The following ZNF227 variants were observed in gnomAD, a reference collection of about 807,000 sequenced individuals.
ZNF227 encodes the protein zinc finger protein 227.
Under a neutral mutation model 13.2 loss-of-function variants are expected in ZNF227, and 12 were observed. The ratio of observed to expected loss-of-function variants is 0.91; its 90% confidence interval spans 0.58 to 1.47. ZNF227 has a LOEUF of 1.47. Ranked by LOEUF, ZNF227 falls within the 40% of genes most tolerant of loss-of-function variation. The pLI is 0.00. For missense variants in ZNF227, 885 were observed against 967.5 expected, an observed-to-expected ratio of 0.91 and a Z score of 1.13; for synonymous variants, 338 against 326.0, an observed-to-expected ratio of 1.04 and a Z score of -0.40.
At chr19:44,226,789 G>A (rs971853680) in intron 3 of ZNF227, among the ~76,000 whole-genome samples, 8 of 151,998 alleles carry the variant, frequency 5.3e-5, no homozygotes, top group African/African-American at 1.9e-4. Flanking sequence ...ACTGCCCTGC[G>A]CCCACTGTCT....
intron 3 of ZNF227, among the ~76,000 whole-genome samples, chr19:44,219,827 T>C (rs1245689713): frequency 2.6e-5 from 4 of 151,504 alleles, no homozygotes; most frequent in Non-Finnish European, 1.5e-5. Context: ...ATGTGCACAA[T>C]GTGCAGGTTT....
intron 2 of ZNF227, among the ~76,000 whole-genome samples, chr19:44,215,439 G>A (rs1298701720): frequency 6.9e-6 from 1 of 145,656 alleles, no homozygotes; most frequent in Non-Finnish European, 1.5e-5. Flanking sequence ...GTGTCTTTTA[G>A]AATATATATG....
At chr19:44,214,902 A>G (rs1971704883) in intron 2 of ZNF227, among the ~76,000 whole-genome samples, 1 of 151,522 alleles carries the variant, frequency 6.6e-6, no homozygotes, top group African/African-American at 2.4e-5. Flanking sequence ...GAAGGAGGTG[A>G]TTGGAGGGGT....
Position 44,236,673 on chromosome 19 carries a change from A to T in ZNF227, c.2243A>T (p.Glu748Val). The change falls in exon 6 of 6, where the codon GAG becomes GTG. Residue 748 changes from glutamate to valine, a missense_variant. Transcript: ENST00000313040. ...AGGGAAAAACTCTTTAAATGTGAAGAGTGTGGTAAAGGCTTCAGTCAGAGT... is the reference window on the plus strand; with the variant it reads ...AGGGAAAAACTCTTTAAATGTGAAGTGTGTGGTAAAGGCTTCAGTCAGAGT... ...HTREKLFKCE[E>V]CGKGFSQSAR... The T allele has an allele frequency of 1.2e-6, 2 of 1,610,200 alleles. No homozygotes were observed. The highest frequency in any genetic ancestry group is 1.7e-6 in the Non-Finnish European group (2 of 1,178,836).
intron 2 of ZNF227, among the ~76,000 whole-genome samples, chr19:44,216,772 G>A (rs1416027579): frequency 2.0e-5 from 3 of 152,122 alleles, no homozygotes; most frequent in Non-Finnish European, 4.4e-5. Flanking sequence ...GCTTCATGAA[G>A]TAAATTGACC....
chr19:44,211,432 T>C (rs1481153389), upstream of ZNF227, among the ~76,000 whole-genome samples: 1 of 152,220 alleles, frequency 6.6e-6, no homozygotes, highest in Non-Finnish European at 1.5e-5. Context: ...GGTATTGCTC[T>C]CTTCTTTCAA....
intron 5 of ZNF227, among the ~76,000 whole-genome samples, chr19:44,230,926 A>AAAAAAAAAAAAAAAAAAAAATATAT (rs1555792168): frequency 1.5e-5 from 1 of 68,116 alleles, no homozygotes; most frequent in Admixed American, 2.2e-4. Flanking sequence ...AAAAAAAAAA[A>AAAAAAAAAAAAAAAAAAAAATATAT]ATATATATAT....
chr19:44,234,726 A>T lies in ZNF227; in HGVS notation c.296A>T (p.Glu99Val), dbSNP rs144515600. 1.9e-5 allele frequency: 31 copies of T among 1,597,690 alleles called. No homozygotes were observed. The East Asian group carries it at 6.9e-4, about 36-fold the overall frequency. Residue 99 changes from glutamate to valine, a missense_variant, in exon 6 of 6, where the codon GAA becomes GTA. Physicochemically the swap from Glu to Val is moderately radical, Grantham distance 121 (BLOSUM62 -2). Transcript: ENST00000313040. ...QRSSKHQNKM[E>V]TLQKFALKYL... ...GGCAGCAAGCATCAAAATAAGATGG[A>T]AACACTCCAAAAATTTGCATTAAAA...
upstream of ZNF227, among the ~76,000 whole-genome samples, chr19:44,212,377 T>TG (rs1568587735): frequency 4.9e-5 from 5 of 102,076 alleles, no homozygotes; most frequent in African/African-American, 1.5e-4. Flanking sequence ...TTTTTTTTTT[T>TG]GTTTTTTTTT....
Position 44,235,895 on chromosome 19 carries a change from G to T in ZNF227, c.1465G>T (p.Glu489Ter). Residue 489 changes from glutamate to a stop codon, truncating the protein, a stop_gained, in exon 6 of 6, where the codon GAG becomes TAG. Coordinates refer to ENST00000313040, the MANE Select transcript of ZNF227 (RefSeq NM_182490.3). LOFTEE classifies it low-confidence loss of function (END_TRUNC). ...LHIHFRVHTG[E>*]KPYKCKECGK... ...TATTCATTTCAGAGTTCACACGGGAGAGAAACCCTATAAATGTAAGGAGTG... is the reference window on the plus strand; with the variant it reads ...TATTCATTTCAGAGTTCACACGGGATAGAAACCCTATAAATGTAAGGAGTG... 3 of 1,614,188 alleles carry T rather than the reference G, an allele frequency of 1.9e-6. No homozygotes were observed. Among genetic ancestry groups the T allele is most frequent in the Non-Finnish European group, 2.5e-6 (3 of 1,180,044 alleles).
intron 4 of ZNF227, 101 bp from the exon 5 acceptor site, chr19:44,229,632 T>A (rs536631094): frequency 4.2e-5 from 24 of 564,774 alleles, no homozygotes; most frequent in Non-Finnish European, 5.9e-5. Flanking sequence ...AATAAAATAA[T>A]AAAATATCAC....
In ZNF227 at chr19:44,227,709, G is replaced by T. The variant is rs774368881; in HGVS notation, c.61-737G>T. ...ATAATTTAGATACAATGATAAAGAA[G>T]AGGAAATTCAGTTAGTGAGAGATTA... On this transcript the variant is annotated intron_variant, in intron 3 of 5. Coordinates refer to ENST00000313040, the MANE Select transcript of ZNF227 (RefSeq NM_182490.3). 3.3e-5 allele frequency among the ~76,000 whole-genome samples: 5 copies of T among 152,186 alleles called. No homozygotes were observed. In the South Asian group the frequency reaches 6.2e-4, roughly 19 times the overall value.
intron 3 of ZNF227, among the ~76,000 whole-genome samples, chr19:44,225,501 C>CTTCAT (rs1406398122): frequency 6.6e-6 from 1 of 152,188 alleles, no homozygotes; most frequent in East Asian, 1.9e-4. Flanking sequence ...TCCGTTCTCG[C>CTTCAT]TTCATTTCAT....
chr19:44,212,033 G>A (rs1971397962), upstream of ZNF227, among the ~76,000 whole-genome samples: 2 of 151,426 alleles, frequency 1.3e-5, no homozygotes, highest in South Asian at 4.2e-4. Flanking sequence ...GGGACTACAG[G>A]CGCGCGCCAC....
Position 44,234,983 on chromosome 19 carries a change from G to C in ZNF227, c.553G>C (p.Glu185Gln). The change falls in exon 6 of 6, where the codon GAG becomes CAG. Residue 185 changes from glutamate to glutamine, a missense_variant. By Grantham distance (29) the Glu-to-Gln change is conservative. Transcript: ENST00000313040. ...TTCTTGCGGGAATACATATCTGAGT[G>C]AGTCACAGATTCAGAGTAGAGGTAA... ...QHSCGNTYLS[E>Q]SQIQSRGKQI... 1.2e-6 allele frequency: 2 copies of C among 1,614,106 alleles called. No individual in the cohort carries two copies. The highest frequency in any genetic ancestry group is 1.7e-6 in the Non-Finnish European group (2 of 1,180,032).
chr19:44,231,231 C>T (rs1382306808), intron 5 of ZNF227, among the ~76,000 whole-genome samples: 2 of 151,778 alleles, frequency 1.3e-5, no homozygotes, highest in Admixed American at 6.6e-5. Context: ...TGTCCTGCCT[C>T]AGCCTCCGAA....
At position 44,217,867 on chromosome 19, in the gene ZNF227, C is replaced by A. The variant is rs1466028794; in HGVS notation, c.60+15C>A. 1 of 1,612,878 alleles carries A rather than the reference C, an allele frequency of 6.2e-7. No individual in the cohort carries two copies. On this transcript the variant is annotated intron_variant, in intron 3 of 5. Coordinates refer to ENST00000313040, the MANE Select transcript of ZNF227 (RefSeq NM_182490.3). ...CCAAGTTTCAGGTACGTAAAGGATTCCTTGCTGTCTTTTAAAATGTGATTT... is the reference window on the plus strand; with the variant it reads ...CCAAGTTTCAGGTACGTAAAGGATTACTTGCTGTCTTTTAAAATGTGATTT...
At chr19:44,230,137 T>C (rs1177368870) in intron 5 of ZNF227, among the ~76,000 whole-genome samples, 2 of 152,116 alleles carry the variant, frequency 1.3e-5, no homozygotes, top group African/African-American at 2.4e-5. Context: ...CACCTCAGCC[T>C]CCTAAGTAGC....
intron 5 of ZNF227, among the ~76,000 whole-genome samples, chr19:44,234,234 A>C (rs984401661): frequency 6.6e-6 from 1 of 152,188 alleles, no homozygotes; most frequent in Non-Finnish European, 1.5e-5. Context: ...CTGCCTTCCC[A>C]AATCTGTTGG....
Sources: gnomAD v4.1 joint callset for allele counts (sites outside exome capture counted in the v4.1 genomes callset) on GRCh38, gnomAD v4.1.1 for gene constraint, MANE v1.5 for transcripts, NCBI Gene and HGNC (gene_info 2026-07-23, HGNC 2026-07-21) for gene names.